The following LYZL1 variants were observed in gnomAD, a reference collection of about 807,000 sequenced individuals.
The protein encoded by LYZL1 is lysozyme like 1, also known as lysozyme-like protein 1.
A neutral mutation model predicts 17.9 loss-of-function variants in LYZL1; 16 were observed. The observed-to-expected ratio is 0.90, with a 90% CI of 0.61 to 1.36. The LOEUF (loss-of-function observed/expected upper bound fraction) is 1.36, where lower values mean the gene tolerates loss of function less well. LYZL1 is among the 40% of genes most tolerant of loss of function. The pLI is 0.00. For synonymous variants in LYZL1, 58 were observed against 71.8 expected, an observed-to-expected ratio of 0.81 and a Z score of 0.97; for missense variants, 149 against 188.4, an observed-to-expected ratio of 0.79 and a Z score of 1.22.
At chr10:29,301,843 T>A (rs931593688) in intron 3 of LYZL1, among the ~76,000 whole-genome samples, 7 of 152,210 alleles carry the variant, frequency 4.6e-5, no homozygotes, top group African/African-American at 1.7e-4. Flanking sequence ...TTCATGTTTT[T>A]AGCCTTTTTC....
At chr10:29,316,069 G>T (rs1006125891), downstream of LYZL1, among the ~76,000 whole-genome samples, 3 of 152,142 alleles carry the variant, frequency 2.0e-5, no homozygotes, top group Non-Finnish European at 2.9e-5. Context: ...TCAGGGGAAG[G>T]AAATTCACAC....
intron 3 of LYZL1, 129 bp from the exon 4 acceptor site, chr10:29,309,981 G>T (rs1835647619): frequency 6.4e-6 from 4 of 629,920 alleles, no homozygotes; most frequent in Non-Finnish European, 1.1e-5. Flanking sequence ...TTGTGGCTTT[G>T]CAGGCAAAAT....
At chr10:29,297,499 TAAAC>T (rs1463228434) in intron 3 of LYZL1, among the ~76,000 whole-genome samples, 5 of 152,144 alleles carry the variant, frequency 3.3e-5, no homozygotes, top group South Asian at 4.1e-4. Flanking sequence ...ATTCCAGAAA[TAAAC>T]AATTCATAAC....
downstream of LYZL1, among the ~76,000 whole-genome samples, chr10:29,314,446 T>C (rs1271950713): frequency 6.6e-6 from 1 of 152,158 alleles, no homozygotes; most frequent in African/African-American, 2.4e-5. Flanking sequence ...AGACCCCATG[T>C]CTACAAAAAG....
intron 4 of LYZL1, chr10:29,318,008 A>T: frequency 9.1e-6 from 2 of 219,344 alleles, no homozygotes; most frequent in Non-Finnish European, 1.5e-5. Flanking sequence ...ATAATTTTGT[A>T]ATAGGTGATT....
chr10:29,318,284 C>A (rs1835753547), exon 5 of LYZL1: 1 of 639,318 alleles, frequency 1.6e-6, no homozygotes, highest in Non-Finnish European at 1.9e-6. Flanking sequence ...CTATACTTGC[C>A]TTGAGAAAGC....
intron 3 of LYZL1, among the ~76,000 whole-genome samples, chr10:29,304,170 T>C (rs1835558904): frequency 6.6e-6 from 1 of 152,198 alleles, no homozygotes; most frequent in Non-Finnish European, 1.5e-5. Flanking sequence ...TGATGCTATA[T>C]TCATATATAC....
chr10:29,305,428 G>C (rs549161814), intron 3 of LYZL1, among the ~76,000 whole-genome samples: 2 of 152,296 alleles, frequency 1.3e-5, no homozygotes, highest in East Asian at 1.9e-4. Context: ...CAGAATACAG[G>C]CTCATTAACT....
At chr10:29,314,682 A>G (rs1400639782), downstream of LYZL1, among the ~76,000 whole-genome samples, 1 of 152,234 alleles carries the variant, frequency 6.6e-6, no homozygotes, top group Non-Finnish European at 1.5e-5. Flanking sequence ...AATCACAGAA[A>G]GTTTACAAAT....
chr10:29,315,270 T>G (rs1313061777), downstream of LYZL1, among the ~76,000 whole-genome samples: 2 of 151,846 alleles, frequency 1.3e-5, no homozygotes, highest in East Asian at 3.9e-4. Flanking sequence ...AGCACTTTGG[T>G]AGGCCAAGGT....
chr10:29,289,133 C>T lies in LYZL1; in HGVS notation c.-123C>T, dbSNP rs774233538. ...GCTTCAGGGGATGCAGGACGCTCCCCTGAGCTGCCTGTCACCGACTAAGTG... is the reference window on the plus strand; with the variant it reads ...GCTTCAGGGGATGCAGGACGCTCCCTTGAGCTGCCTGTCACCGACTAAGTG... On this transcript the variant is annotated 5_prime_UTR_variant, in exon 1 of 5. Transcript: ENST00000649382. The T allele has an allele frequency of 7.5e-6, 12 of 1,605,210 alleles. No individual in the cohort carries two copies. Among genetic ancestry groups the T allele is most frequent in the South Asian group, 1.1e-5 (1 of 90,074 alleles).
chr10:29,309,027 T>C (rs1313390678), intron 3 of LYZL1, among the ~76,000 whole-genome samples: 2 of 151,702 alleles, frequency 1.3e-5, no homozygotes, highest in Non-Finnish European at 2.9e-5. Flanking sequence ...TAAAACTTTT[T>C]GCATATGAAA....
chr10:29,310,934 G>A, intron 4 of LYZL1, 56 bp from the exon 5 acceptor site: 4 of 1,613,932 alleles, frequency 2.5e-6, no homozygotes, highest in Non-Finnish European at 3.4e-6. Flanking sequence ...TTGAAACTAA[G>A]ACGGTTTGGA....
At chr10:29,304,368 T>G (rs1256556285) in intron 3 of LYZL1, among the ~76,000 whole-genome samples, 1 of 152,154 alleles carries the variant, frequency 6.6e-6, no homozygotes, top group Non-Finnish European at 1.5e-5. Flanking sequence ...TAATTTTATT[T>G]TTCATCACCC....
intron 3 of LYZL1, among the ~76,000 whole-genome samples, chr10:29,293,843 A>G (rs1170170997): frequency 6.6e-6 from 1 of 151,934 alleles, no homozygotes; most frequent in Non-Finnish European, 1.5e-5. Context: ...GCACGGTGGT[A>G]GGTGCCTGTA....
intron 1 of LYZL1, among the ~76,000 whole-genome samples, chr10:29,291,044 A>G (rs1835357093): frequency 6.7e-6 from 1 of 150,222 alleles, no homozygotes; most frequent in African/African-American, 2.4e-5. Context: ...CTACACATCC[A>G]GTTGATCCTT....
Position 29,300,367 on chromosome 10 carries a change from A to G in LYZL1, c.298+7690A>G, listed in dbSNP as rs184120582. On this transcript the variant is annotated intron_variant, in intron 3 of 4. Transcript: ENST00000649382. Reference sequence around the variant, plus strand: ...TTATCGTATTACATTCTACCCTCAAATAACACACCACTTCATATATAACAT... The same window carrying G: ...TTATCGTATTACATTCTACCCTCAAGTAACACACCACTTCATATATAACAT... Among the ~76,000 whole-genome samples, 7 of 152,266 alleles carry G rather than the reference A, an allele frequency of 4.6e-5. No individual in the cohort carries two copies. In the East Asian group the frequency reaches 1.2e-3, roughly 25 times the overall value.
At chr10:29,306,332 C>T (rs1835589052) in intron 3 of LYZL1, among the ~76,000 whole-genome samples, 2 of 137,504 alleles carry the variant, frequency 1.5e-5, no homozygotes, top group Non-Finnish European at 3.2e-5. Flanking sequence ...GGGCGGATCA[C>T]GAGGTCAGGA....
chr10:29,289,851 A>C (rs561659554), intron 1 of LYZL1, among the ~76,000 whole-genome samples: 1 of 152,180 alleles, frequency 6.6e-6, no homozygotes, highest in Non-Finnish European at 1.5e-5. Flanking sequence ...ATACGGCCTC[A>C]AACACAATTA....
Sources: gnomAD v4.1 joint callset for allele counts (sites outside exome capture counted in the v4.1 genomes callset) on GRCh38, gnomAD v4.1.1 for gene constraint, MANE v1.5 for transcripts, NCBI Gene and HGNC (gene_info 2026-07-23, HGNC 2026-07-21) for gene names.